The following NCOA3 variants were observed in gnomAD, a reference collection of about 807,000 sequenced individuals.
NCOA3 encodes CBP-interacting protein.
In NCOA3, 51 loss-of-function variants were observed where a neutral mutation model predicts 158.8. The observed-to-expected ratio is 0.32, with a 90% CI of 0.26 to 0.41. The LOEUF (loss-of-function observed/expected upper bound fraction) is 0.41, where lower values mean the gene tolerates loss of function less well. Ranked by LOEUF, NCOA3 falls within the 10% of genes least tolerant of loss-of-function variation. The pLI is 1.00. For missense variants in NCOA3, 1,510 were observed against 1,746.6 expected (o/e 0.86, Z 2.41); for synonymous variants, 537 against 592.4 (o/e 0.91, Z 1.36).
At chr20:47,640,448 ACTTTT>A (rs773558425) in intron 16 of NCOA3, among the ~76,000 whole-genome samples, 32 of 152,336 alleles carry the variant, frequency 2.1e-4, no homozygotes, top group African/African-American at 5.3e-4. Context: ...TTTTAAAAAA[ACTTTT>A]CTTTTCCCCC....
At chr20:47,572,982 G>C (rs2085317502) in intron 1 of NCOA3, among the ~76,000 whole-genome samples, 1 of 152,216 alleles carries the variant, frequency 6.6e-6, no homozygotes, top group Non-Finnish European at 1.5e-5. Context: ...AGAGAAGGGA[G>C]AGAGATGGGG....
At chr20:47,590,854 A>G (rs1226716739) in intron 2 of NCOA3, among the ~76,000 whole-genome samples, 3 of 152,124 alleles carry the variant, frequency 2.0e-5, no homozygotes, top group Non-Finnish European at 4.4e-5. Flanking sequence ...TCATACCTGT[A>G]GTCCCAGCAC....
At chr20:47,543,168 T>G (rs2084773284) in intron 1 of NCOA3, among the ~76,000 whole-genome samples, 1 of 152,150 alleles carries the variant, frequency 6.6e-6, no homozygotes, top group Non-Finnish European at 1.5e-5. Flanking sequence ...AGGTCTCAGT[T>G]TCTGCCTGAG....
At chr20:47,549,728 G>A (rs1807113772) in intron 1 of NCOA3, among the ~76,000 whole-genome samples, 1 of 152,014 alleles carries the variant, frequency 6.6e-6, no homozygotes, top group Admixed American at 6.6e-5. Context: ...TGGGGACAGA[G>A]TCTTCCTCTG....
chr20:47,578,925 A>G (rs8114934), intron 1 of NCOA3, among the ~76,000 whole-genome samples: 10,354 of 152,246 alleles, frequency 0.068, 453 homozygotes, highest in Non-Finnish European at 0.097. Context: ...AAAGAAAAAC[A>G]TGTTTATAAT....
At chr20:47,556,529 C>T (rs899079483) in intron 1 of NCOA3, among the ~76,000 whole-genome samples, 1 of 152,010 alleles carries the variant, frequency 6.6e-6, no homozygotes, top group Non-Finnish European at 1.5e-5. Flanking sequence ...TTCTTTTCCC[C>T]TTTTTTTGTT....
At position 47,589,946 on chromosome 20, in the gene NCOA3, T is replaced by A. The variant is rs72645219; in HGVS notation, c.-20+6685T>A. On this transcript the variant is annotated intron_variant, in intron 2 of 22. Coordinates refer to ENST00000371998, the MANE Select transcript of NCOA3 (RefSeq NM_181659.3). ...AATCTTTGTTTTCTTTTTAAAAAAATTTTTTAATTTATAAGATGTTTATTT... is the reference window on the plus strand; with the variant it reads ...AATCTTTGTTTTCTTTTTAAAAAAAATTTTTAATTTATAAGATGTTTATTT... Among the ~76,000 whole-genome samples the A allele has an allele frequency of 1.7e-3, 263 of 152,054 alleles. 9 individuals are homozygous for A. In the East Asian group the frequency reaches 0.036, roughly 21 times the overall value.
In NCOA3 at chr20:47,653,368, A is replaced by ATTT. The variant is rs545375540; in HGVS notation, c.4264-18_4264-16dup. 3.8e-3 allele frequency: 5,242 copies of ATTT among 1,382,582 alleles called. 24 individuals carry two copies. Among genetic ancestry groups the ATTT allele is most frequent in the South Asian group, 6.1e-3 (448 of 73,528 alleles). The allele number at this position is 1,382,582 out of a possible 1,614,324, so 85.6% of individuals were successfully genotyped here. On this transcript the variant is annotated intron_variant, in intron 22 of 22. Transcript: ENST00000371998. Reference sequence around the variant, plus strand: ...GTTGTGCAAAGCATGTGTTTTACTCATTTTTTTTTTTTTTTTTTTTTTCCT... The same window carrying ATTT: ...GTTGTGCAAAGCATGTGTTTTACTCATTTTTTTTTTTTTTTTTTTTTTTTTCCT...
chr20:47,519,173 G>A (rs922509246), intron 1 of NCOA3, among the ~76,000 whole-genome samples: 3 of 149,436 alleles, frequency 2.0e-5, no homozygotes, highest in African/African-American at 7.4e-5. Context: ...GGTGGGTCAC[G>A]CCTGTAATCT....
Position 47,639,588 on chromosome 20 carries a change from C to T in NCOA3, c.2719C>T (p.Arg907Ter), listed in dbSNP as rs763186106. The change falls in exon 15 of 23, where the codon CGA becomes TGA. Residue 907 changes from arginine to a stop codon, truncating the protein, a stop_gained. Transcript: ENST00000371998. LOFTEE classifies it high-confidence loss of function. Reference sequence around the variant, plus strand: ...GCTACCTGTTTTAGGTGGGCCAAACCGAAATGTGACTGTGACTCAGACTCC... The same window carrying T: ...GCTACCTGTTTTAGGTGGGCCAAACTGAAATGTGACTGTGACTCAGACTCC... The part of the protein sequence containing the change: ...NYGSSMGGPN[R>*]NVTVTQTPSS... 6 of 1,613,358 alleles carry T rather than the reference C, an allele frequency of 3.7e-6. No individual in the cohort carries two copies. Among genetic ancestry groups the T allele is most frequent in the East Asian group, 2.2e-5 (1 of 44,874 alleles).
At chr20:47,643,360 C>T (rs539070545) in intron 17 of NCOA3, among the ~76,000 whole-genome samples, 1 of 152,378 alleles carries the variant, frequency 6.6e-6, no homozygotes, top group East Asian at 1.9e-4. Flanking sequence ...GTGGCAAATG[C>T]TGTCACAGTG....
At chr20:47,581,990 T>C (rs929444332) in intron 1 of NCOA3, among the ~76,000 whole-genome samples, 8 of 152,198 alleles carry the variant, frequency 5.3e-5, no homozygotes, top group African/African-American at 1.9e-4. Context: ...ATTTAAGCAT[T>C]TGATTCTGCC....
At position 47,639,786 on chromosome 20, in the gene NCOA3, C is replaced by T. The variant is rs752902541; in HGVS notation, c.2917C>T (p.Pro973Ser). The T allele has an allele frequency of 1.2e-6, 2 of 1,614,050 alleles. No homozygotes were observed. Among genetic ancestry groups the T allele is most frequent in the African/African-American group, 2.7e-5 (2 of 74,904 alleles). The change falls in exon 15 of 23, where the codon CCA becomes TCA. Residue 973 changes from proline to serine, a missense_variant. This residue lies in a region of NCOA3 where 1,017 missense variants were observed against 1,098.3 expected (regional missense o/e 0.93). Transcript: ENST00000371998. ...LRSNSIPGAR[P>S]VLQQQQQMLQ... ...GTCTAATAGCATACCAGGTGCGAGA[C>T]CAGTATTGCAACAGCAGCAGCAGAT...
chr20:47,614,380 CTTG>C (rs2086098468), intron 2 of NCOA3, among the ~76,000 whole-genome samples: 1 of 152,166 alleles, frequency 6.6e-6, no homozygotes, highest in Non-Finnish European at 1.5e-5. Context: ...TTCCCAAGAA[CTTG>C]TTTTTTCTGA....
At chr20:47,505,847 G>C (rs554019325) in intron 1 of NCOA3, among the ~76,000 whole-genome samples, 24 of 147,540 alleles carry the variant, frequency 1.6e-4, no homozygotes, top group African/African-American at 5.5e-4. Context: ...TGTTGCTCAG[G>C]CTGGAGTGCA....
At chr20:47,571,361 A>G (rs7272624) in intron 1 of NCOA3, among the ~76,000 whole-genome samples, 5,190 of 146,870 alleles carry the variant, frequency 0.035, 242 homozygotes, top group African/African-American at 0.11. Context: ...TCTGTTGCCC[A>G]GGCTGGAGTG....
intron 17 of NCOA3, among the ~76,000 whole-genome samples, chr20:47,644,988 G>A (rs1244361299): frequency 6.6e-6 from 1 of 151,568 alleles, no homozygotes; most frequent in South Asian, 2.1e-4. Context: ...GAGCCACCGC[G>A]CCTGGCCAGG....
At chr20:47,510,948 C>A (rs1157941274) in intron 1 of NCOA3, among the ~76,000 whole-genome samples, 10 of 152,060 alleles carry the variant, frequency 6.6e-5, no homozygotes, top group Admixed American at 6.6e-4. Context: ...AAACTTCAAT[C>A]ATCTTTAATT....
intron 16 of NCOA3, 113 bp from the exon 17 acceptor site, chr20:47,642,100 G>A (rs2086621031): frequency 2.5e-6 from 2 of 793,994 alleles, no homozygotes; most frequent in Non-Finnish European, 3.9e-6. Context: ...TATTATTTGT[G>A]TTTGTAGCAT....
Sources: gnomAD v4.1 joint callset for allele counts (sites outside exome capture counted in the v4.1 genomes callset) on GRCh38, gnomAD v4.1.1 for gene constraint, gnomAD v4.1.1 regional missense constraint, MANE v1.5 for transcripts, NCBI Gene and HGNC (gene_info 2026-07-23, HGNC 2026-07-21) for gene names.